The following MME variants were observed in gnomAD, a reference collection of about 807,000 sequenced individuals.
MME encodes membrane metalloendopeptidase, also known as neprilysin.
MME carries 98 observed loss-of-function variants against 113.2 expected under a neutral mutation model. The observed-to-expected ratio is 0.87, with a 90% CI of 0.74 to 1.02. MME has a LOEUF of 1.02. Among genes scored for constraint, MME ranks in the 50% least tolerant of loss-of-function variants. MME has a pLI of 0.00. For synonymous variants in MME, 292 were observed against 300.6 expected (o/e 0.97, Z 0.30); for missense variants, 836 against 896.0 (o/e 0.93, Z 0.86).
In MME at chr3:155,118,806, A is replaced by G. The variant is rs1718844660; in HGVS notation, c.715A>G (p.Lys239Glu). Reference sequence around the variant, plus strand: ...TTACTATGAATGCACTGGAATCTATAAAGAGGTAAAAAGAAAAAAAATAAT... The same window carrying G: ...TTACTATGAATGCACTGGAATCTATGAAGAGGTAAAAAGAAAAAAAATAAT... Reference protein sequence around the residue: ...RDYYECTGIYKEACTAYVDFM... With the variant: ...RDYYECTGIYEEACTAYVDFM... The change falls in exon 8 of 23, where the codon AAA (lysine) becomes GAA (glutamate). Residue 239 changes from lysine to glutamate, a missense_variant. Lys to Glu is a moderately conservative substitution (Grantham distance 56). Coordinates refer to ENST00000360490, the MANE Select transcript of MME (RefSeq NM_007289.4). The G allele has an allele frequency of 3.2e-6, 5 of 1,577,334 alleles. No homozygotes were observed.
At chr3:155,045,284 G>C (rs1713518375) in intron 1 of MME, among the ~76,000 whole-genome samples, 1 of 151,790 alleles carries the variant, frequency 6.6e-6, no homozygotes, top group South Asian at 2.1e-4. Flanking sequence ...CTGAGTAGCT[G>C]GGACTACAGG....
At chr3:155,037,774 G>A (rs924542811) in intron 1 of MME, among the ~76,000 whole-genome samples, 1 of 152,164 alleles carries the variant, frequency 6.6e-6, no homozygotes, top group African/African-American at 2.4e-5. Flanking sequence ...TGAGCACTGG[G>A]GAAACATTGG....
At chr3:155,082,295 T>C (rs575715943) in intron 1 of MME, among the ~76,000 whole-genome samples, 2 of 152,336 alleles carry the variant, frequency 1.3e-5, no homozygotes, top group African/African-American at 4.8e-5. Flanking sequence ...AACATTTCTC[T>C]ACATTGTCTT....
At chr3:155,042,358 A>G (rs1214155604) in intron 1 of MME, among the ~76,000 whole-genome samples, 1 of 152,186 alleles carries the variant, frequency 6.6e-6, no homozygotes, top group African/African-American at 2.4e-5. Context: ...TAAGACAGAA[A>G]CATATAATGA....
At chr3:155,117,673 T>C (rs185688088) in intron 7 of MME, among the ~76,000 whole-genome samples, 1 of 150,610 alleles carries the variant, frequency 6.6e-6, no homozygotes, top group Admixed American at 6.6e-5. Context: ...CCTAATCATA[T>C]CTGTGTCACT....
chr3:155,077,712 C>CA (rs372942152), upstream of MME, among the ~76,000 whole-genome samples: 1,219 of 143,106 alleles, frequency 8.5e-3, 7 homozygotes, highest in African/African-American at 0.023. Context: ...CTCATCTAAA[C>CA]AAAAAAAAAC....
chr3:155,116,608 T>TATATATA (rs776428703), intron 5 of MME, 49 bp downstream of exon 5: 51 of 977,566 alleles, frequency 5.2e-5, no homozygotes, highest in Middle Eastern at 4.9e-4. Context: ...ATATATATAT[T>TATATATA]GGTGCCAAAC....
chr3:155,071,692 G>A (rs1399283532), intron 1 of MME, among the ~76,000 whole-genome samples: 3 of 152,100 alleles, frequency 2.0e-5, no homozygotes, highest in East Asian at 1.9e-4. Context: ...ACTATCAAAT[G>A]TTCCCTATCT....
At chr3:155,064,648 C>T (rs1047487910) in intron 1 of MME, among the ~76,000 whole-genome samples, 2 of 152,140 alleles carry the variant, frequency 1.3e-5, no homozygotes, top group African/African-American at 2.4e-5. Flanking sequence ...CATACTGTTA[C>T]CTTCACTTGG....
chr3:155,029,526 T>C (rs1218550947), intron 1 of MME, among the ~76,000 whole-genome samples: 2 of 151,564 alleles, frequency 1.3e-5, no homozygotes, highest in Non-Finnish European at 2.9e-5. Flanking sequence ...CCGTATCTAG[T>C]ATTTAATTAC....
chr3:155,026,215 T>A (rs1028899206), intron 1 of MME, among the ~76,000 whole-genome samples: 1 of 151,872 alleles, frequency 6.6e-6, no homozygotes, highest in Non-Finnish European at 1.5e-5. Context: ...TGGAGTTGTT[T>A]TAAGGAACAC....
intron 3 of MME, among the ~76,000 whole-genome samples, chr3:155,110,388 A>T (rs1718091371): frequency 6.6e-6 from 1 of 152,214 alleles, no homozygotes; most frequent in Admixed American, 6.5e-5. Context: ...TGTCTGGGTT[A>T]AAAGAGCCCA....
chr3:155,144,730 A>G (rs556309279), intron 14 of MME, among the ~76,000 whole-genome samples: 4 of 152,286 alleles, frequency 2.6e-5, no homozygotes, highest in Non-Finnish European at 5.9e-5. Flanking sequence ...GCATTATAAG[A>G]TCTATAATTA....
intron 15 of MME, among the ~76,000 whole-genome samples, chr3:155,148,123 C>T (rs1248812925): frequency 6.6e-6 from 1 of 151,988 alleles, no homozygotes; most frequent in Non-Finnish European, 1.5e-5. Flanking sequence ...GATAGGAGCC[C>T]TTAGTTCATC....
At chr3:155,078,659 A>ATGTGTG (rs5853711), upstream of MME, among the ~76,000 whole-genome samples, 2,427 of 141,902 alleles carry the variant, frequency 0.017, 26 homozygotes, top group South Asian at 0.026. Flanking sequence ...ATGTGTGTGT[A>ATGTGTG]TGTGTGTGTG....
At chr3:155,025,934 A>G (rs1024524999) in intron 1 of MME, among the ~76,000 whole-genome samples, 1 of 151,776 alleles carries the variant, frequency 6.6e-6, no homozygotes, top group Non-Finnish European at 1.5e-5. Context: ...ACCTCAAGTT[A>G]TCTGCCTGGT....
intron 1 of MME, among the ~76,000 whole-genome samples, chr3:155,064,421 T>C (rs1242568917): frequency 6.6e-6 from 1 of 152,134 alleles, no homozygotes; most frequent in African/African-American, 2.4e-5. Context: ...AAGTCAGAGA[T>C]TGGGAGATTC....
At chr3:155,117,057 T>C in intron 7 of MME, 71 bp downstream of exon 7, 1 of 895,872 alleles carries the variant, frequency 1.1e-6, no homozygotes, top group South Asian at 1.3e-5. Flanking sequence ...ATTGTTGTTA[T>C]TGATATTTAG....
At chr3:155,147,589 C>G (rs563511450) in intron 15 of MME, among the ~76,000 whole-genome samples, 1 of 152,134 alleles carries the variant, frequency 6.6e-6, no homozygotes, top group Non-Finnish European at 1.5e-5. Context: ...AAGTTTTCCT[C>G]TACTGGAAAA....
Sources: allele counts gnomAD v4.1 joint callset (sites outside exome capture counted in the v4.1 genomes callset), GRCh38; gene constraint gnomAD v4.1.1; transcripts MANE v1.5; gene names NCBI Gene and HGNC (gene_info 2026-07-23, HGNC 2026-07-21).